The following CFDP1 variants were observed in gnomAD, a reference collection of about 807,000 sequenced individuals.
The protein encoded by CFDP1 is heterochromatin-stabilizing protein CFDP1.
A neutral mutation model predicts 40.1 loss-of-function variants in CFDP1; 31 were observed. The observed-to-expected ratio is 0.77, with a 90% confidence interval of 0.58 to 1.04. The LOEUF (loss-of-function observed/expected upper bound fraction) is 1.04, where lower values mean the gene tolerates loss of function less well. CFDP1 is among the 50% of genes least tolerant of loss of function. The pLI is 0.00. For synonymous variants in CFDP1, 167 were observed against 120.0 expected, an observed-to-expected ratio of 1.39 and a Z score of -2.56; for missense variants, 423 against 343.4, an observed-to-expected ratio of 1.23 and a Z score of -1.83.
At chr16:75,400,821 AC>A (rs767093061) in intron 4 of CFDP1, among the ~76,000 whole-genome samples, 91 of 152,328 alleles carry the variant, frequency 6.0e-4, no homozygotes, top group Non-Finnish European at 1.2e-3. Context: ...GTATTATGCT[AC>A]TGAGTTGCTG....
chr16:75,343,034 A>G (rs1296821037), intron 5 of CFDP1, among the ~76,000 whole-genome samples: 1 of 152,108 alleles, frequency 6.6e-6, no homozygotes, highest in Admixed American at 6.6e-5. Context: ...CTCCCTGGTA[A>G]GGCACTCTGA....
intron 5 of CFDP1, among the ~76,000 whole-genome samples, chr16:75,356,254 CAAAT>C (rs879318689): frequency 1.2e-3 from 178 of 152,222 alleles, no homozygotes; most frequent in African/African-American, 3.9e-3. Flanking sequence ...TGAAAATAAA[CAAAT>C]AAACAAGTAA....
At chr16:75,312,738 G>C (rs1246397324) in intron 5 of CFDP1, among the ~76,000 whole-genome samples, 1 of 152,144 alleles carries the variant, frequency 6.6e-6, no homozygotes, top group African/African-American at 2.4e-5. Context: ...TCAGCTGACT[G>C]TCAGGGAGAA....
chr16:75,312,618 A>G (rs1468719751), intron 5 of CFDP1, among the ~76,000 whole-genome samples: 3 of 152,190 alleles, frequency 2.0e-5, no homozygotes, highest in Non-Finnish European at 4.4e-5. Context: ...TATTTTAGTG[A>G]TAGAAGTCCT....
chr16:75,410,055 C>CAAAAAAAAAAAAAAA (rs150987819), intron 4 of CFDP1, among the ~76,000 whole-genome samples: 2 of 52,534 alleles, frequency 3.8e-5, no homozygotes, highest in Non-Finnish European at 6.2e-5. Flanking sequence ...GACCCTTTCT[C>CAAAAAAAAAAAAAAA]AAAAAAAAAA....
chr16:75,321,580 C>G (rs898355972), intron 5 of CFDP1, among the ~76,000 whole-genome samples: 3 of 152,094 alleles, frequency 2.0e-5, no homozygotes, highest in South Asian at 2.1e-4. Context: ...CTTTTACCAG[C>G]CTGAAGCCAT....
intron 5 of CFDP1, among the ~76,000 whole-genome samples, chr16:75,362,298 G>C (rs1359883745): frequency 2.6e-5 from 4 of 152,148 alleles, no homozygotes; most frequent in Non-Finnish European, 4.4e-5. Flanking sequence ...TAGAAAGGCG[G>C]GGCCCAGCTG....
chr16:75,417,248 C>T (rs1269448334), intron 1 of CFDP1, among the ~76,000 whole-genome samples: 2 of 152,154 alleles, frequency 1.3e-5, no homozygotes, highest in Admixed American at 6.6e-5. Context: ...AGCAGTCCCA[C>T]TTCTATCCCA....
At chr16:75,356,525 A>G (rs2078644809) in intron 5 of CFDP1, among the ~76,000 whole-genome samples, 1 of 152,174 alleles carries the variant, frequency 6.6e-6, no homozygotes, top group Non-Finnish European at 1.5e-5. Flanking sequence ...CTTAAAAAAC[A>G]CAGAGTAGAT....
chr16:75,395,018 G>A (rs879209107), intron 5 of CFDP1, 72 bp downstream of exon 5: 29 of 1,575,432 alleles, frequency 1.8e-5, no homozygotes, highest in African/African-American at 6.8e-5. Context: ...GATCTGCAGC[G>A]AAAGTAGGTA....
intron 1 of CFDP1, among the ~76,000 whole-genome samples, chr16:75,418,554 C>T (rs374960143): frequency 1.7e-4 from 26 of 151,986 alleles, no homozygotes; most frequent in African/African-American, 5.8e-4. Context: ...TGTGATCCGC[C>T]GACCTCGGCC....
At chr16:75,325,507 T>C (rs2078395218) in intron 5 of CFDP1, among the ~76,000 whole-genome samples, 1 of 152,244 alleles carries the variant, frequency 6.6e-6, no homozygotes, top group Non-Finnish European at 1.5e-5. Flanking sequence ...CCTCTGATTG[T>C]CTTTTCTCTA....
intron 5 of CFDP1, among the ~76,000 whole-genome samples, chr16:75,378,063 G>A (rs1367680196): frequency 2.0e-5 from 3 of 152,146 alleles, no homozygotes; most frequent in Non-Finnish European, 4.4e-5. Flanking sequence ...AAAGTTAAGT[G>A]CAGGAAAGGC....
At chr16:75,424,610 C>T (rs139983742) in intron 1 of CFDP1, among the ~76,000 whole-genome samples, 62 of 152,060 alleles carry the variant, frequency 4.1e-4, no homozygotes, top group Middle Eastern at 6.8e-3. Context: ...AAAAACTTAG[C>T]GGGCGTGGTG....
At chr16:75,411,476 G>C (rs1229112404) in intron 4 of CFDP1, among the ~76,000 whole-genome samples, 1 of 152,142 alleles carries the variant, frequency 6.6e-6, no homozygotes, top group Non-Finnish European at 1.5e-5. Flanking sequence ...TCTGATTTCT[G>C]AGACTTCAAT....
At chr16:75,391,797 C>T (rs191274425) in intron 5 of CFDP1, among the ~76,000 whole-genome samples, 1 of 151,592 alleles carries the variant, frequency 6.6e-6, no homozygotes, top group African/African-American at 2.4e-5. Flanking sequence ...GGTGAAACCC[C>T]GTCTCTACTA....
Position 75,387,336 on chromosome 16 carries a change from T to G in CFDP1, c.650+7754A>C, listed in dbSNP as rs573494100. On this transcript the variant is annotated intron_variant, in intron 5 of 6. Coordinates refer to ENST00000283882, the MANE Select transcript of CFDP1 (RefSeq NM_006324.3). ...TTTGTTTTTTTAGTGGAGACGGGGGTTTCACCGTGTTAGCCAGGATGGTCT... is the reference window on the plus strand; with the variant it reads ...TTTGTTTTTTTAGTGGAGACGGGGGGTTCACCGTGTTAGCCAGGATGGTCT... Among the ~76,000 whole-genome samples, 343 of 151,834 alleles carry G rather than the reference T, an allele frequency of 2.3e-3. 2 individuals carry two copies. The highest frequency in any genetic ancestry group is 0.011 in the South Asian group (54 of 4,790).
chr16:75,345,329 T>C (rs139321092), intron 5 of CFDP1, among the ~76,000 whole-genome samples: 164 of 152,212 alleles, frequency 1.1e-3, no homozygotes, highest in African/African-American at 3.8e-3. Flanking sequence ...TGGTGGTACA[T>C]GCCTGTAGTC....
At chr16:75,297,166 CTG>C (rs71158597) in intron 6 of CFDP1, among the ~76,000 whole-genome samples, 26,185 of 143,228 alleles carry the variant, frequency 0.18, 2,551 homozygotes, top group Middle Eastern at 0.22. Context: ...GTGTGTGTGT[CTG>C]TGTGTGTGTG....
Sources: allele counts gnomAD v4.1 joint callset (sites outside exome capture counted in the v4.1 genomes callset), GRCh38; gene constraint gnomAD v4.1.1; transcripts MANE v1.5; gene names NCBI Gene and HGNC (gene_info 2026-07-23, HGNC 2026-07-21).